GLS: variants seen among roughly 807,000 people sequenced by gnomAD.
GLS encodes glutaminase.
In GLS, 36 loss-of-function variants were observed where a neutral mutation model predicts 86.7. The observed-to-expected ratio is 0.42, with a 90% CI of 0.32 to 0.55. The LOEUF is 0.55. Ranked by LOEUF, GLS falls within the 20% of genes least tolerant of loss-of-function variation. GLS has a pLI of 0.17. For synonymous variants in GLS, 317 were observed against 305.9 expected (o/e 1.04, Z -0.38); for missense variants, 528 against 833.4 (o/e 0.63, Z 4.51).
rs1690177278 is a variant in GLS at position 190,933,582 on chromosome 2, G to C, written c.1650+1945G>C. ...TCCAGCCAAAGAATTTCAGATGTGA[G>C]ATAATGATGTTTCATCAATAAAAAG... On this transcript the variant is annotated intron_variant, in intron 14 of 17. Transcript: ENST00000320717. 9 of 946,116 alleles carry C rather than the reference G, an allele frequency of 9.5e-6. No individual in the cohort carries two copies. In the South Asian group the frequency reaches 3.9e-4, roughly 41 times the overall value. The allele number at this position is 946,116 out of a possible 1,614,324, so 58.6% of individuals were successfully genotyped here. A position where few individuals can be genotyped will look rare whatever the true frequency, so the allele number is the denominator to read the frequency against.
chr2:190,961,988 G>A (rs1217128796), intron 17 of GLS, among the ~76,000 whole-genome samples: 2 of 152,156 alleles, frequency 1.3e-5, no homozygotes, highest in African/African-American at 4.8e-5. Flanking sequence ...AGATTGGGTA[G>A]GAAGACAGGC....
chr2:190,910,416 T>C (rs999002872), intron 7 of GLS, 95 bp downstream of exon 7: 9 of 635,824 alleles, frequency 1.4e-5, no homozygotes, highest in South Asian at 2.1e-5. Flanking sequence ...TGTAGAATTA[T>C]GAAAAATTTT....
At chr2:190,886,237 C>A (rs1294254555) in intron 1 of GLS, among the ~76,000 whole-genome samples, 1 of 152,094 alleles carries the variant, frequency 6.6e-6, no homozygotes, top group Non-Finnish European at 1.5e-5. Flanking sequence ...ATTTTTGTGA[C>A]CTAATATTTA....
chr2:190,942,335 C>T (rs1039457080), intron 14 of GLS, among the ~76,000 whole-genome samples: 1 of 152,002 alleles, frequency 6.6e-6, no homozygotes, highest in East Asian at 1.9e-4. Context: ...CCGCCTCGGT[C>T]TCCCAAAATG....
At chr2:190,894,616 A>G (rs926116352) in intron 1 of GLS, among the ~76,000 whole-genome samples, 27 of 152,228 alleles carry the variant, frequency 1.8e-4, no homozygotes, top group African/African-American at 6.3e-4. Context: ...TAATTTACCC[A>G]AGGTTACACA....
At position 190,897,524 on chromosome 2, in the gene GLS, A is replaced by C. The variant is rs919733705; in HGVS notation, c.605+1799A>C. Among the ~76,000 whole-genome samples the C allele has an allele frequency of 2.0e-5, 3 of 152,206 alleles. No individual in the cohort carries two copies. The highest frequency in any genetic ancestry group is 7.2e-5 in the African/African-American group (3 of 41,464). ...CAACTTGACAAATGTTTTATGGTCTATATGAGCAACCAGTAGAAAAGTACA... is the reference window on the plus strand; with the variant it reads ...CAACTTGACAAATGTTTTATGGTCTCTATGAGCAACCAGTAGAAAAGTACA... On this transcript the variant is annotated intron_variant, in intron 3 of 17. Coordinates refer to ENST00000320717, the MANE Select transcript of GLS (RefSeq NM_014905.5). The surrounding 1 kb of genome is among the most constrained non-coding windows in gnomAD (Gnocchi z 4.3).
intron 1 of GLS, among the ~76,000 whole-genome samples, chr2:190,890,731 G>A (rs1379353227): frequency 6.6e-6 from 1 of 152,066 alleles, no homozygotes; most frequent in African/African-American, 2.4e-5. Context: ...ATCATCTGAA[G>A]GATCATTATT....
rs1179592102 is a variant in GLS at position 190,951,323 on chromosome 2, GT to G, written c.1651-2241del. Among the ~76,000 whole-genome samples, 1 of 152,098 alleles carries G rather than the reference GT, an allele frequency of 6.6e-6. No individual in the cohort carries two copies. Among genetic ancestry groups the G allele is most frequent in the African/African-American group, 2.4e-5 (1 of 41,416 alleles). ...GCGCTGTTTAGAGGTAACAATGAGT[GT>G]GAAGGTAATTTTCAGGGAATTAAAA... On this transcript the variant is annotated intron_variant, in intron 14 of 17. Coordinates refer to ENST00000320717, the MANE Select transcript of GLS (RefSeq NM_014905.5). This position sits in a 1 kb window ranked among gnomAD's most constrained non-coding sequence, Gnocchi z 4.2.
In GLS at chr2:190,880,878, AGC is replaced by A. The variant is rs1688114160; in HGVS notation, c.-206_-205del. ...GGTCGCGGCAATCCTAGCGCGCAGC[AGC>A]AGCAGCAGCAGCAGCAGCAGCAGCA... On this transcript the variant is annotated 5_prime_UTR_variant, in exon 1 of 18. Transcript: ENST00000320717. 1 of 211,810 alleles carries A rather than the reference AGC, an allele frequency of 4.7e-6. No homozygotes were observed. The allele number at this position is 211,810 out of a possible 1,614,324, so 13.1% of individuals were successfully genotyped here.
At chr2:190,928,732 T>A (rs1463775970) in intron 12 of GLS, among the ~76,000 whole-genome samples, 2 of 151,064 alleles carry the variant, frequency 1.3e-5, no homozygotes, top group East Asian at 1.9e-4. Flanking sequence ...TTAAATCTAT[T>A]GGTCTTCTTT....
Position 190,880,875 on chromosome 2 carries a change from AGC to A in GLS, c.-209_-208del. On this transcript the variant is annotated 5_prime_UTR_variant, in exon 1 of 18. Coordinates refer to ENST00000320717, the MANE Select transcript of GLS (RefSeq NM_014905.5). ...ACCGGTCGCGGCAATCCTAGCGCGC[AGC>A]AGCAGCAGCAGCAGCAGCAGCAGCA... 2 of 98,396 alleles carry A rather than the reference AGC, an allele frequency of 2.0e-5. No homozygotes were observed. Among genetic ancestry groups the A allele is most frequent in the African/African-American group, 3.4e-4 (1 of 2,912 alleles). The allele number at this position is 98,396 out of a possible 1,614,324, so 6.1% of individuals were successfully genotyped here.
At chr2:190,884,593 G>A (rs1688312947) in intron 1 of GLS, among the ~76,000 whole-genome samples, 1 of 152,174 alleles carries the variant, frequency 6.6e-6, no homozygotes, top group Non-Finnish European at 1.5e-5. Flanking sequence ...CCAGAAGTAT[G>A]TATCCTATCT....
At chr2:190,945,017 T>C (rs962136882) in intron 14 of GLS, among the ~76,000 whole-genome samples, 1 of 152,028 alleles carries the variant, frequency 6.6e-6, no homozygotes, top group Non-Finnish European at 1.5e-5. Flanking sequence ...TGTCTTGGTA[T>C]TGTATTATTG....
In GLS at chr2:190,890,884, G is replaced by A. The variant is rs577440187; in HGVS notation, c.387-4268G>A. Among the ~76,000 whole-genome samples, 60 of 151,572 alleles carry A rather than the reference G, an allele frequency of 4.0e-4. No individual in the cohort carries two copies. In the East Asian group the frequency reaches 8.7e-3, roughly 22 times the overall value. ...ATACTATGTGTTTTAAGAGTTATGC[G>A]AAAAAAAAAATAAGAAAGACTTGAC... On this transcript the variant is annotated intron_variant, in intron 1 of 17. Coordinates refer to ENST00000320717, the MANE Select transcript of GLS (RefSeq NM_014905.5).
rs928904093 is a variant in GLS at position 190,930,334 on chromosome 2, A to G, written c.1426-103A>G. ...TGGCCTCCCAAAGTGCTGAGATTAC[A>G]GGAGTGAGCCATGGTGCCCAGCCCC... On this transcript the variant is annotated intron_variant, in intron 12 of 17. Coordinates refer to ENST00000320717, the MANE Select transcript of GLS (RefSeq NM_014905.5). The surrounding 1 kb of genome is among the most constrained non-coding windows in gnomAD (Gnocchi z 5.0). The G allele has an allele frequency of 1.2e-6, 1 of 837,324 alleles. No individual in the cohort carries two copies. The highest frequency in any genetic ancestry group is 2.0e-6 in the Non-Finnish European group (1 of 506,478). The allele number at this position is 837,324 out of a possible 1,614,324, so 51.9% of individuals were successfully genotyped here.
Position 190,921,319 on chromosome 2 carries a change from C to T in GLS, c.1130+116C>T. On this transcript the variant is annotated intron_variant, in intron 9 of 17. Coordinates refer to ENST00000320717, the MANE Select transcript of GLS (RefSeq NM_014905.5). The surrounding 1 kb of genome is among the most constrained non-coding windows in gnomAD (Gnocchi z 4.2). The stretch of plus-strand genomic sequence containing the variant: ...ATTTCTAAATTACCTGACAGAAACA[C>T]TTAAAAATACTTTAAATAGTTTTGA... 1 of 751,330 alleles carries T rather than the reference C, an allele frequency of 1.3e-6. No homozygotes were observed. Among genetic ancestry groups the T allele is most frequent in the East Asian group, 2.6e-5 (1 of 39,208 alleles). The allele number at this position is 751,330 out of a possible 1,614,324, so 46.5% of individuals were successfully genotyped here.
intron 17 of GLS, among the ~76,000 whole-genome samples, chr2:190,960,359 A>ATTTTTT (rs770419477): frequency 1.5e-4 from 15 of 101,478 alleles, no homozygotes; most frequent in East Asian, 4.9e-4. Context: ...TTAAGCTTCA[A>ATTTTTT]TTTTTTTTTT....
At chr2:190,918,645 A>G (rs1306796316) in intron 7 of GLS, among the ~76,000 whole-genome samples, 2 of 152,166 alleles carry the variant, frequency 1.3e-5, no homozygotes, top group African/African-American at 4.8e-5. Context: ...AACTTCATTT[A>G]CAACTTGGCT....
In GLS at chr2:190,883,169, A is replaced by C. The variant is rs73981359; in HGVS notation, c.386+1699A>C. On this transcript the variant is annotated intron_variant, in intron 1 of 17. Coordinates refer to ENST00000320717, the MANE Select transcript of GLS (RefSeq NM_014905.5). ...CACTTGTCCAGAAGTTTCTGGTTTC[A>C]TTGCCTTTTTAATAAAAAATCACCT... Among the ~76,000 whole-genome samples, 432 of 152,246 alleles carry C rather than the reference A, an allele frequency of 2.8e-3. 2 individuals carry two copies. The highest frequency in any genetic ancestry group is 9.6e-3 in the African/African-American group (398 of 41,536).
Sources: allele counts gnomAD v4.1 joint callset (sites outside exome capture counted in the v4.1 genomes callset), GRCh38; gene constraint gnomAD v4.1.1; non-coding constraint Gnocchi (gnomAD v3.1); transcripts MANE v1.5; gene names NCBI Gene and HGNC (gene_info 2026-07-23, HGNC 2026-07-21).